TMT1A: variants seen among roughly 807,000 people sequenced by gnomAD.
TMT1A encodes thiol S-methyltransferase TMT1A.
the TMT1A span, chr12:50,930,148 T>C: frequency 1.9e-6 from 3 of 1,597,068 alleles, no homozygotes; most frequent in Non-Finnish European, 2.6e-6. Flanking sequence ...TGCTGTGAAA[T>C]AGTGTGAGCT....
the TMT1A span, among the ~76,000 whole-genome samples, chr12:50,929,224 G>A: frequency 6.6e-6 from 1 of 152,130 alleles, no homozygotes; most frequent in Non-Finnish European, 1.5e-5. Context: ...GACAGAGCCA[G>A]GCCCTGTCTC....
At chr12:50,928,419 T>C in the TMT1A span, among the ~76,000 whole-genome samples, 1 of 152,064 alleles carries the variant, frequency 6.6e-6, no homozygotes, top group Non-Finnish European at 1.5e-5. Context: ...TGAAAACAGG[T>C]TGCTGGTTGC....
chr12:50,926,794 G>A, the TMT1A span, among the ~76,000 whole-genome samples: 12 of 152,228 alleles, frequency 7.9e-5, no homozygotes, highest in Non-Finnish European at 1.5e-4. Context: ...ACTATTAACA[G>A]TGGTTGCCTT....
chr12:50,931,017 G>A, the TMT1A span: 4 of 150,974 alleles, frequency 2.6e-5, no homozygotes, highest in African/African-American at 4.9e-5. Flanking sequence ...GGAAACAGTC[G>A]ACTTTCATAA....
chr12:50,931,739 T>TAG, the TMT1A span: 3 of 136,110 alleles, frequency 2.2e-5, no homozygotes, highest in African/African-American at 8.5e-5. Context: ...AAAAAAGAAG[T>TAG]AGAGACAGGG....
the TMT1A span, chr12:50,929,780 A>T: frequency 9.1e-4 from 662 of 731,310 alleles, 7 homozygotes; most frequent in Admixed American, 0.013. Flanking sequence ...GTGTGGAGTG[A>T]CCCTCCTGCT....
the TMT1A span, chr12:50,925,582 C>A: frequency 1.3e-6 from 2 of 1,579,648 alleles, no homozygotes; most frequent in African/African-American, 1.3e-5. Context: ...CAGCTATTAT[C>A]ATAGAGGGCA....
chr12:50,930,045 G>A, the TMT1A span: 2 of 1,614,172 alleles, frequency 1.2e-6, no homozygotes, highest in Non-Finnish European at 1.7e-6. Context: ...AGAGCTGGAA[G>A]GCCCTGGAGC....
At chr12:50,925,410 A>G in the TMT1A span, 1 of 1,614,236 alleles carries the variant, frequency 6.2e-7, no homozygotes, top group Non-Finnish European at 8.5e-7. Context: ...GCTTTGTGGT[A>G]GCTGCCGGGG....
the TMT1A span, among the ~76,000 whole-genome samples, chr12:50,928,249 G>A: frequency 6.6e-6 from 1 of 152,134 alleles, no homozygotes; most frequent in Non-Finnish European, 1.5e-5. Flanking sequence ...TCCTACCACT[G>A]GGGTTCCTTT....
chr12:50,925,902 G>A, the TMT1A span, among the ~76,000 whole-genome samples: 2 of 151,354 alleles, frequency 1.3e-5, no homozygotes, highest in African/African-American at 4.9e-5. Flanking sequence ...AGCCAGGCAT[G>A]GTGGCAGGTG....
the TMT1A span, among the ~76,000 whole-genome samples, chr12:50,926,666 A>C: frequency 6.6e-6 from 1 of 152,204 alleles, no homozygotes; most frequent in African/African-American, 2.4e-5. Flanking sequence ...AATGAAAACA[A>C]AAAGCAATCA....
the TMT1A span, among the ~76,000 whole-genome samples, chr12:50,925,983 C>G: frequency 8.2e-6 from 1 of 122,076 alleles, no homozygotes; most frequent in Non-Finnish European, 1.6e-5. Flanking sequence ...CACCACAGCA[C>G]TCCAGCCTAG....
At chr12:50,925,475 T>C in the TMT1A span, 1 of 1,614,188 alleles carries the variant, frequency 6.2e-7, no homozygotes. Context: ...TGCACCCTGG[T>C]GCTGTGCTCT....
the TMT1A span, among the ~76,000 whole-genome samples, chr12:50,926,584 CTG>C: frequency 7.6e-4 from 115 of 152,290 alleles, 1 homozygote; most frequent in Non-Finnish European, 1.4e-3. Flanking sequence ...TAAAGGAACA[CTG>C]TGCAGCTGTC....
At chr12:50,931,289 C>T in the TMT1A span, 1 of 151,918 alleles carries the variant, frequency 6.6e-6, no homozygotes, top group Non-Finnish European at 1.5e-5. Context: ...CCAAAGAAGA[C>T]TTTAAAAAGG....
At chr12:50,929,768 T>TA in the TMT1A span, 1 of 660,356 alleles carries the variant, frequency 1.5e-6, no homozygotes, top group Non-Finnish European at 2.6e-6. Context: ...AGGGTGTGCT[T>TA]AGTGTGGAGT....
chr12:50,928,953 C>A, the TMT1A span, among the ~76,000 whole-genome samples: 1 of 151,854 alleles, frequency 6.6e-6, no homozygotes, highest in Non-Finnish European at 1.5e-5. Context: ...TTTTTAAAAT[C>A]AGGGCCGGGC....
At chr12:50,930,322 C>A in the TMT1A span, 3 of 568,002 alleles carry the variant, frequency 5.3e-6, no homozygotes, top group Non-Finnish European at 9.1e-6. Flanking sequence ...TCTTGTTGCC[C>A]AGGCTGGAGT....
Sources: gnomAD v4.1 joint callset for allele counts (sites outside exome capture counted in the v4.1 genomes callset) on GRCh38, gnomAD v4.1.1 for gene constraint, MANE v1.5 for transcripts, NCBI Gene and HGNC (gene_info 2026-07-23, HGNC 2026-07-21) for gene names.